Variants in HTT observed in about 807,000 individuals in gnomAD.
HTT encodes huntingtin.
A neutral mutation model predicts 362.3 loss-of-function variants in HTT; 104 were observed. That is an observed-to-expected ratio of 0.29 (90% confidence interval 0.24 to 0.34). The LOEUF is 0.34. Ranked by LOEUF, HTT falls within the 10% of genes least tolerant of loss-of-function variation. The pLI is 1.00. For synonymous variants in HTT, 1,577 were observed against 1,548.7 expected (o/e 1.02, Z -0.43); for missense variants, 3,301 against 3,928.6 (o/e 0.84, Z 4.27).
intron 2 of HTT, among the ~76,000 whole-genome samples, chr4:3,092,982 C>A (rs1402949043): frequency 3.9e-5 from 6 of 152,098 alleles, no homozygotes; most frequent in Admixed American, 2.0e-4. Context: ...GAGGCTGAGC[C>A]AGTGGTTTGC....
At chr4:3,160,225 C>A in intron 28 of HTT, 57 bp from the exon 29 acceptor site, 1 of 1,129,958 alleles carries the variant, frequency 8.8e-7, no homozygotes, top group Non-Finnish European at 1.3e-6. Flanking sequence ...TTTGGTTGTA[C>A]ATTATGAGAT....
At chr4:3,212,860 C>G in intron 49 of HTT, 151 bp downstream of exon 49, 1 of 802,706 alleles carries the variant, frequency 1.2e-6, no homozygotes, top group South Asian at 1.7e-5. Flanking sequence ...TTGTCACCGT[C>G]AAGTTATTGT....
In HTT at chr4:3,107,341, A is replaced by T; in HGVS notation, c.665A>T (p.Glu222Val). 1.9e-6 allele frequency: 3 copies of T among 1,614,234 alleles called. No individual in the cohort carries two copies. The highest frequency in any genetic ancestry group is 2.5e-6 in the Non-Finnish European group (3 of 1,180,026). ...ACTCGAACAAGCAAGAGACCCGAAG[A>T]ATCAGTCCAGGAGACCTTGGCTGCA... ...CLTRTSKRPE[E>V]SVQETLAAAV... The change falls in exon 6 of 67, where the codon GAA (glutamate) becomes GTA (valine). Residue 222 changes from glutamate (E) to valine (V), a missense_variant. By Grantham distance (121) the Glu-to-Val change is moderately radical (BLOSUM62 -2). Coordinates refer to ENST00000355072, the MANE Select transcript of HTT (RefSeq NM_001388492.1).
At chr4:3,181,368 T>C (rs1718517986) in intron 36 of HTT, among the ~76,000 whole-genome samples, 2 of 152,218 alleles carry the variant, frequency 1.3e-5, no homozygotes, top group African/African-American at 2.4e-5. Flanking sequence ...ATAAAAACTT[T>C]ATTTGTATAT....
At chr4:3,229,753 G>A (rs1721157090) in intron 59 of HTT, 134 bp from the exon 60 acceptor site, 9 of 945,032 alleles carry the variant, frequency 9.5e-6, no homozygotes, top group East Asian at 2.5e-5. Context: ...ACACACACAC[G>A]CACACATGCG....
chr4:3,165,926 C>CA (rs1717681180), intron 29 of HTT, among the ~76,000 whole-genome samples: 1 of 152,150 alleles, frequency 6.6e-6, no homozygotes, highest in South Asian at 2.1e-4. Flanking sequence ...TCATCAAACT[C>CA]ATTCTCCATC....
At chr4:3,146,991 T>C (rs770246751) in intron 25 of HTT, 43 bp downstream of exon 25, 2 of 1,602,520 alleles carry the variant, frequency 1.2e-6, no homozygotes, top group South Asian at 2.2e-5. Flanking sequence ...GACTTGGATT[T>C]TGATTTCCTT....
intron 10 of HTT, 61 bp from the exon 11 acceptor site, chr4:3,125,488 C>T: frequency 9.7e-7 from 1 of 1,031,740 alleles, no homozygotes; most frequent in Non-Finnish European, 1.5e-6. Flanking sequence ...AGTGCATTTA[C>T]TTAATTTTGA....
intron 12 of HTT, 23 bp downstream of exon 12, chr4:3,127,627 C>T (rs1428483440): frequency 2.0e-6 from 3 of 1,529,228 alleles, no homozygotes; most frequent in South Asian, 2.3e-5. Flanking sequence ...AGGGGCCTGA[C>T]ATCTTTTTTT....
chr4:3,238,052 C>T (rs113885193), intron 64 of HTT, among the ~76,000 whole-genome samples: 1,730 of 152,288 alleles, frequency 0.011, 29 homozygotes, highest in African/African-American at 0.039. Context: ...CCCGCTGCGC[C>T]GTTTCTGCAT....
chr4:3,213,895 C>A, intron 49 of HTT, 63 bp from the exon 50 acceptor site: 2 of 1,410,170 alleles, frequency 1.4e-6, no homozygotes, highest in Non-Finnish European at 1.9e-6. Flanking sequence ...AACTGTGATT[C>A]ACACGGCTTC....
rs898335406 is a variant in HTT, at chr4:3,188,112, T to C, written c.5225+226T>C. ...TTCTGTCTCTTGTCCTCAGTAGAGATGCTACAGCAGTGGCTCGCCTCAGGC... is the reference window on the plus strand; with the variant it reads ...TTCTGTCTCTTGTCCTCAGTAGAGACGCTACAGCAGTGGCTCGCCTCAGGC... On this transcript the variant is annotated intron_variant, in intron 39 of 66. Coordinates refer to ENST00000355072, the MANE Select transcript of HTT (RefSeq NM_001388492.1). 14 of 451,918 alleles carry C rather than the reference T, an allele frequency of 3.1e-5. No individual in the cohort carries two copies. The South Asian group carries it at 3.9e-4, about 12-fold the overall frequency. 28.0% of individuals were successfully genotyped at this position (451,918 alleles called of 1,614,324 possible).
intron 51 of HTT, among the ~76,000 whole-genome samples, chr4:3,217,389 A>G (rs1361695824): frequency 2.6e-5 from 4 of 152,194 alleles, no homozygotes; most frequent in Non-Finnish European, 5.9e-5. Flanking sequence ...AGGGACAGAC[A>G]CAGGTCCTGG....
At chr4:3,146,747 G>A (rs762100572) in intron 24 of HTT, 50 bp from the exon 25 acceptor site, 2 of 1,565,724 alleles carry the variant, frequency 1.3e-6, no homozygotes, top group East Asian at 2.3e-5. Flanking sequence ...GAAGACTGTT[G>A]TTTGCTTAAA....
chr4:3,080,782 G>A (rs890645090), intron 1 of HTT, among the ~76,000 whole-genome samples: 9 of 152,224 alleles, frequency 5.9e-5, no homozygotes, highest in Non-Finnish European at 1.2e-4. Context: ...GGTTCAGGTA[G>A]AAGTCCAACT....
intron 46 of HTT, among the ~76,000 whole-genome samples, chr4:3,209,211 C>T (rs28603116): frequency 6.6e-6 from 1 of 152,164 alleles, no homozygotes; most frequent in African/African-American, 2.4e-5. Context: ...CATGTCAATG[C>T]CGTTAGCCTC....
intron 24 of HTT, 28 bp from the exon 25 acceptor site, chr4:3,146,769 A>G (rs1560568440): frequency 5.6e-6 from 9 of 1,608,104 alleles, no homozygotes; most frequent in Admixed American, 1.7e-5. Context: ...ATTGTCTATA[A>G]TTTGACTTTG....
chr4:3,107,383 T>C lies in HTT; in HGVS notation c.707T>C (p.Met236Thr). 1 of 1,614,212 alleles carries C rather than the reference T, an allele frequency of 6.2e-7. No individual in the cohort carries two copies. Residue 236 changes from methionine to threonine, a missense_variant, in exon 6 of 67, where the codon ATG becomes ACG. By Grantham distance (81) the Met-to-Thr change is moderately conservative. Around this residue, in one of 4 missense-constraint regions of HTT, gnomAD observed 2,316 missense variants for 2,658.5 expected, o/e 0.87. Transcript: ENST00000355072. Reference protein sequence around the residue: ...ETLAAAVPKIMASFGNFANDN... With the variant: ...ETLAAAVPKITASFGNFANDN... ...TTGGCTGCAGCTGTTCCCAAAATTA[T>C]GGCTTCTTTTGGCAATTTTGCAAAT...
rs1388924375 is a variant in HTT, at chr4:3,218,005, G to A, written c.7242+53G>A. ...CCAAGTACGGTGAAAGGCACCGGTAGGCCCTGGGCTGGGCACACGTGAGAG... is the reference window on the plus strand; with the variant it reads ...CCAAGTACGGTGAAAGGCACCGGTAAGCCCTGGGCTGGGCACACGTGAGAG... On this transcript the variant is annotated intron_variant, in intron 52 of 66. Transcript: ENST00000355072. The surrounding 1 kb of genome is among the most constrained non-coding windows in gnomAD (Gnocchi z 4.4). The A allele has an allele frequency of 1.3e-6, 2 of 1,482,940 alleles. No individual in the cohort carries two copies. The highest frequency in any genetic ancestry group is 1.8e-6 in the Non-Finnish European group (2 of 1,094,402). 91.9% of individuals were successfully genotyped at this position (1,482,940 alleles called of 1,614,324 possible). A position where few individuals can be genotyped will look rare whatever the true frequency, so the allele number is the denominator to read the frequency against.
Sources: gnomAD v4.1 joint callset for allele counts (sites outside exome capture counted in the v4.1 genomes callset) on GRCh38, gnomAD v4.1.1 for gene constraint, gnomAD v4.1.1 regional missense constraint, Gnocchi (gnomAD v3.1) non-coding constraint, MANE v1.5 for transcripts, NCBI Gene and HGNC (gene_info 2026-07-23, HGNC 2026-07-21) for gene names.